CPQ: variants seen among roughly 807,000 people sequenced by gnomAD.
CPQ encodes the protein carboxypeptidase Q, also known as Ser-Met dipeptidase.
Under a neutral mutation model 45.7 loss-of-function variants are expected in CPQ, and 37 were observed. The ratio of observed to expected loss-of-function variants is 0.81; its 90% CI spans 0.62 to 1.07. The LOEUF is 1.07. CPQ is among the 50% of genes least tolerant of loss of function. The probability of loss-of-function intolerance (pLI) is 0.00; values close to 1 mark genes in which losing one functional copy is unlikely to be tolerated. For missense variants in CPQ, 537 were observed against 572.9 expected, an observed-to-expected ratio of 0.94 and a Z score of 0.64; for synonymous variants, 186 against 205.8, an observed-to-expected ratio of 0.90 and a Z score of 0.82.
chr8:96,804,545 G>T (rs951411777), intron 2 of CPQ, among the ~76,000 whole-genome samples: 1 of 147,302 alleles, frequency 6.8e-6, no homozygotes, highest in African/African-American at 2.5e-5. Context: ...ATTCCTAAAA[G>T]TTTTTTTTTT....
chr8:96,676,730 A>G (rs1809081311), intron 1 of CPQ, among the ~76,000 whole-genome samples: 2 of 152,002 alleles, frequency 1.3e-5, no homozygotes, highest in Non-Finnish European at 2.9e-5. Flanking sequence ...GGCTACATGG[A>G]TAGGCTGTTT....
At chr8:97,069,534 G>C (rs1395508028) in intron 7 of CPQ, among the ~76,000 whole-genome samples, 1 of 149,930 alleles carries the variant, frequency 6.7e-6, no homozygotes, top group African/African-American at 2.5e-5. Flanking sequence ...TTTTCTAAAA[G>C]ATGAAAATGA....
Position 96,902,546 on chromosome 8 carries a change from G to A in CPQ, c.849+22541G>A, listed in dbSNP as rs78191773. Among the ~76,000 whole-genome samples, 27 of 152,238 alleles carry A rather than the reference G, an allele frequency of 1.8e-4. No individual in the cohort carries two copies. In the East Asian group the frequency reaches 5.2e-3, roughly 29 times the overall value. Reference sequence around the variant, plus strand: ...CAGAATGTGTGTGTTGGAGAAGAGGGGTGTAACAGATACACATTTTATAGA... The same window carrying A: ...CAGAATGTGTGTGTTGGAGAAGAGGAGTGTAACAGATACACATTTTATAGA... On this transcript the variant is annotated intron_variant, in intron 4 of 7. Coordinates refer to ENST00000220763, the MANE Select transcript of CPQ (RefSeq NM_016134.4).
chr8:96,769,386 GTGCTTTTATTGAT>G (rs1810510710), intron 1 of CPQ, among the ~76,000 whole-genome samples: 1 of 152,046 alleles, frequency 6.6e-6, no homozygotes, highest in Non-Finnish European at 1.5e-5. Context: ...GGATTTATCT[GTGCTTTTATTGAT>G]TGCATGTGCT....
intron 5 of CPQ, among the ~76,000 whole-genome samples, chr8:97,017,145 G>A (rs1809595267): frequency 6.6e-6 from 1 of 152,188 alleles, no homozygotes. Context: ...CCACTGGAGA[G>A]GGAACCTGAA....
intron 4 of CPQ, among the ~76,000 whole-genome samples, chr8:96,890,123 A>C (rs1021897775): frequency 1.3e-5 from 2 of 152,232 alleles, no homozygotes; most frequent in African/African-American, 4.8e-5. Context: ...CCCGGAGCAC[A>C]CTAATTGTTA....
At chr8:96,758,361 T>G (rs1316444171) in intron 1 of CPQ, among the ~76,000 whole-genome samples, 1 of 152,204 alleles carries the variant, frequency 6.6e-6, no homozygotes, top group East Asian at 1.9e-4. Flanking sequence ...TCTTATATTT[T>G]TTTGAGACCA....
intron 1 of CPQ, among the ~76,000 whole-genome samples, chr8:96,648,868 T>C (rs1815547205): frequency 2.6e-5 from 4 of 152,214 alleles, no homozygotes; most frequent in Admixed American, 1.3e-4. Flanking sequence ...AGATGGGAGT[T>C]CAGTGTGGCT....
intron 6 of CPQ, among the ~76,000 whole-genome samples, chr8:97,059,868 T>G (rs897998992): frequency 6.6e-6 from 1 of 152,202 alleles, no homozygotes; most frequent in African/African-American, 2.4e-5. Context: ...TTGATTGCCC[T>G]GTGTCAGTGT....
chr8:96,988,617 G>A (rs990752764), intron 5 of CPQ, among the ~76,000 whole-genome samples: 61 of 152,282 alleles, frequency 4.0e-4, no homozygotes, highest in African/African-American at 1.4e-3. Flanking sequence ...TGATTCAATG[G>A]TGGAAGTAAT....
intron 4 of CPQ, among the ~76,000 whole-genome samples, chr8:96,892,299 A>G (rs1812387872): frequency 6.6e-6 from 1 of 152,230 alleles, no homozygotes; most frequent in Non-Finnish European, 1.5e-5. Flanking sequence ...GAATAGTTAG[A>G]GACTGTACAG....
At chr8:96,775,855 T>C (rs555909511) in intron 1 of CPQ, among the ~76,000 whole-genome samples, 1 of 152,216 alleles carries the variant, frequency 6.6e-6, no homozygotes, top group South Asian at 2.1e-4. Context: ...CCCCCACATA[T>C]TCAAAATGGC....
intron 3 of CPQ, among the ~76,000 whole-genome samples, chr8:96,842,025 G>A (rs1811619525): frequency 6.6e-6 from 1 of 152,186 alleles, no homozygotes; most frequent in Admixed American, 6.5e-5. Flanking sequence ...CATTCTTCAT[G>A]TTAAGAAAGC....
intron 7 of CPQ, among the ~76,000 whole-genome samples, chr8:97,122,927 TAAATAAAATA>T (rs1313373275): frequency 0.023 from 889 of 38,764 alleles, 52 homozygotes; most frequent in Middle Eastern, 0.038. Flanking sequence ...TAAAATAAAA[TAAATAAAATA>T]AAATAAAATA....
intron 1 of CPQ, among the ~76,000 whole-genome samples, chr8:96,703,380 T>G (rs1809493709): frequency 6.6e-6 from 1 of 152,160 alleles, no homozygotes; most frequent in South Asian, 2.1e-4. Flanking sequence ...CACAATATCT[T>G]ATGTGGTGCC....
chr8:96,876,932 ATGG>A (rs1162562707), intron 3 of CPQ, among the ~76,000 whole-genome samples: 4 of 152,096 alleles, frequency 2.6e-5, no homozygotes, highest in African/African-American at 4.8e-5. Flanking sequence ...GATGACAGTA[ATGG>A]TGGCCTTGTA....
intron 7 of CPQ, among the ~76,000 whole-genome samples, chr8:97,106,498 G>A (rs2513412): frequency 6.6e-6 from 1 of 152,170 alleles, no homozygotes; most frequent in East Asian, 1.9e-4. Flanking sequence ...CTTGCGGCAC[G>A]GCGTCTAGAG....
intron 1 of CPQ, among the ~76,000 whole-genome samples, chr8:96,731,445 T>A (rs1809912155): frequency 6.6e-6 from 1 of 152,116 alleles, no homozygotes; most frequent in African/African-American, 2.4e-5. Flanking sequence ...CATATTATAC[T>A]CATATGGTAG....
intron 6 of CPQ, among the ~76,000 whole-genome samples, chr8:97,042,079 C>T (rs1484997545): frequency 3.9e-5 from 6 of 152,190 alleles, no homozygotes; most frequent in African/African-American, 1.4e-4. Context: ...CCTCCTTGTA[C>T]CTCTGGTAGA....
Sources: allele counts gnomAD v4.1 joint callset (sites outside exome capture counted in the v4.1 genomes callset), GRCh38; gene constraint gnomAD v4.1.1; transcripts MANE v1.5; gene names NCBI Gene and HGNC (gene_info 2026-07-23, HGNC 2026-07-21).